ABTB3: variants seen among roughly 807,000 people sequenced by gnomAD.
The protein encoded by ABTB3 is ankyrin repeat- and BTB/POZ domain-containing protein 3.
At chr12:107,380,062 G>A in the ABTB3 span, among the ~76,000 whole-genome samples, 111,615 of 152,042 alleles carry the variant, frequency 0.73, 41,304 homozygotes, top group Non-Finnish European at 0.79. Flanking sequence ...GCTGTGATTC[G>A]TCTGTGACCC....
At chr12:107,590,414 A>G in the ABTB3 span, among the ~76,000 whole-genome samples, 1 of 152,152 alleles carries the variant, frequency 6.6e-6, no homozygotes, top group African/African-American at 2.4e-5. Flanking sequence ...CTGTGAGACA[A>G]GGAGGAGTGG....
the ABTB3 span, among the ~76,000 whole-genome samples, chr12:107,324,651 T>A: frequency 2.0e-5 from 3 of 152,108 alleles, no homozygotes; most frequent in African/African-American, 7.2e-5. Flanking sequence ...GGTTTCACCA[T>A]GCTGGCCAGG....
At chr12:107,516,312 C>T in the ABTB3 span, among the ~76,000 whole-genome samples, 6 of 151,806 alleles carry the variant, frequency 4.0e-5, no homozygotes, top group Admixed American at 6.6e-5. Context: ...CTCACTGCAA[C>T]CTCCGCCTCC....
At chr12:107,649,565 G>T in the ABTB3 span, 37 of 412,824 alleles carry the variant, frequency 9.0e-5, 1 homozygote, top group South Asian at 1.2e-3. Context: ...TGGTGGTAAG[G>T]GGGCAGGGAA....
chr12:107,649,076 G>T, the ABTB3 span: 1 of 759,050 alleles, frequency 1.3e-6, no homozygotes, highest in Non-Finnish European at 2.2e-6. Context: ...CTGGTGACAT[G>T]GAAATGGGCA....
the ABTB3 span, among the ~76,000 whole-genome samples, chr12:107,567,712 C>A: frequency 1.3e-5 from 2 of 152,152 alleles, no homozygotes; most frequent in South Asian, 4.1e-4. Flanking sequence ...GATCACAGGC[C>A]GCATTCGATT....
the ABTB3 span, among the ~76,000 whole-genome samples, chr12:107,501,559 G>A: frequency 6.6e-6 from 1 of 152,078 alleles, no homozygotes; most frequent in African/African-American, 2.4e-5. Context: ...AATTAGCCCA[G>A]TGTGGTGACA....
the ABTB3 span, among the ~76,000 whole-genome samples, chr12:107,653,155 C>T: frequency 6.6e-6 from 1 of 152,268 alleles, no homozygotes; most frequent in African/African-American, 2.4e-5. Flanking sequence ...ACATGACTCC[C>T]ATATCACACA....
the ABTB3 span, among the ~76,000 whole-genome samples, chr12:107,482,239 C>T: frequency 6.6e-6 from 1 of 152,158 alleles, no homozygotes; most frequent in Non-Finnish European, 1.5e-5. Context: ...CCTGTTCCTC[C>T]AGCTCTGACA....
At chr12:107,593,389 G>C in the ABTB3 span, among the ~76,000 whole-genome samples, 2 of 152,138 alleles carry the variant, frequency 1.3e-5, no homozygotes, top group African/African-American at 4.8e-5. Flanking sequence ...AGTGCATTTG[G>C]GGATTGGAAC....
chr12:107,438,407 CG>C, the ABTB3 span, among the ~76,000 whole-genome samples: 1 of 152,144 alleles, frequency 6.6e-6, no homozygotes, highest in Non-Finnish European at 1.5e-5. Context: ...CAGAAGCTTG[CG>C]GGATGGATTC....
the ABTB3 span, among the ~76,000 whole-genome samples, chr12:107,390,896 A>G: frequency 6.6e-6 from 1 of 152,300 alleles, no homozygotes; most frequent in Admixed American, 6.5e-5. Flanking sequence ...CATGCCTGTA[A>G]TCTCAGCACT....
At chr12:107,544,675 C>T in the ABTB3 span, among the ~76,000 whole-genome samples, 1 of 152,180 alleles carries the variant, frequency 6.6e-6, no homozygotes, top group Non-Finnish European at 1.5e-5. Flanking sequence ...CTCCTGTCTG[C>T]CTCCCCACTT....
chr12:107,371,809 C>T, the ABTB3 span, among the ~76,000 whole-genome samples: 2 of 152,158 alleles, frequency 1.3e-5, no homozygotes, highest in African/African-American at 4.8e-5. Flanking sequence ...ACTTCTGCCA[C>T]TTGGGTTCTG....
chr12:107,551,878 G>A, the ABTB3 span, among the ~76,000 whole-genome samples: 8 of 151,738 alleles, frequency 5.3e-5, no homozygotes, highest in Non-Finnish European at 1.2e-4. Context: ...TCAGCCTCCC[G>A]AGTAGCTGGG....
the ABTB3 span, among the ~76,000 whole-genome samples, chr12:107,410,117 T>A: frequency 6.6e-6 from 1 of 151,658 alleles, no homozygotes; most frequent in Non-Finnish European, 1.5e-5. Flanking sequence ...GCCCAGCCAC[T>A]GTGTGATTGC....
At chr12:107,526,734 C>G in the ABTB3 span, among the ~76,000 whole-genome samples, 2 of 152,166 alleles carry the variant, frequency 1.3e-5, no homozygotes, top group East Asian at 3.8e-4. Context: ...GCAATCAAAA[C>G]AGGACCATTA....
the ABTB3 span, among the ~76,000 whole-genome samples, chr12:107,494,905 T>TC: frequency 2.6e-5 from 4 of 152,022 alleles, no homozygotes; most frequent in African/African-American, 9.7e-5. Context: ...GGCATTGCAG[T>TC]CCCCCTGGAG....
At chr12:107,595,806 G>C in the ABTB3 span, among the ~76,000 whole-genome samples, 773 of 152,094 alleles carry the variant, frequency 5.1e-3, 6 homozygotes, top group African/African-American at 0.016. Context: ...TTAAAGTAAG[G>C]ATTAGATAAG....
Sources: gnomAD v4.1 joint callset for allele counts (sites outside exome capture counted in the v4.1 genomes callset) on GRCh38, gnomAD v4.1.1 for gene constraint, MANE v1.5 for transcripts, NCBI Gene and HGNC (gene_info 2026-07-23, HGNC 2026-07-21) for gene names.